Variants in SLC22A7 observed in about 807,000 individuals in gnomAD.
The protein encoded by SLC22A7 is solute carrier family 22 member 7, also known as hOAT2.
Under a neutral mutation model 62.2 loss-of-function variants are expected in SLC22A7, and 48 were observed. That is an observed-to-expected ratio of 0.77 (90% CI 0.61 to 0.98). SLC22A7 has a LOEUF of 0.98. Among genes scored for constraint, SLC22A7 ranks in the 50% least tolerant of loss-of-function variants. The pLI is 0.00. For missense variants in SLC22A7, 581 were observed against 703.8 expected (o/e 0.83, Z 1.97); for synonymous variants, 276 against 314.8 (o/e 0.88, Z 1.30).
rs934098307 is a variant in SLC22A7, at chr6:43,304,923, C to T, written c.*198C>T. 4.4e-6 allele frequency: 2 copies of T among 452,598 alleles called. No individual in the cohort carries two copies. The highest frequency in any genetic ancestry group is 4.1e-5 in the African/African-American group (2 of 49,310). 28.0% of individuals were successfully genotyped at this position (452,598 alleles called of 1,614,324 possible). A position where few individuals can be genotyped will look rare whatever the true frequency, so the allele number is the denominator to read the frequency against. On this transcript the variant is annotated 3_prime_UTR_variant, in exon 11 of 11. Transcript: ENST00000372585. Reference sequence around the variant, plus strand: ...AGTTGACTTCCCAGAATGCAGTGGGCTGCTGGGCACCCCTCTCACGGTTGG... The same window carrying T: ...AGTTGACTTCCCAGAATGCAGTGGGTTGCTGGGCACCCCTCTCACGGTTGG...
intron 5 of SLC22A7, among the ~76,000 whole-genome samples, 155 bp from the exon 6 acceptor site, chr6:43,300,980 C>T (rs889214121): frequency 6.6e-6 from 1 of 152,200 alleles, no homozygotes; most frequent in African/African-American, 2.4e-5. Context: ...TGAATAAGAG[C>T]TCATCAAGTG....
At position 43,299,926 on chromosome 6, in the gene SLC22A7, C is replaced by T; in HGVS notation, c.687C>T (p.Arg229=). 1 of 1,614,138 alleles carries T rather than the reference C, an allele frequency of 6.2e-7. No homozygotes were observed. Among genetic ancestry groups the T allele is most frequent in the Non-Finnish European group, 8.5e-7 (1 of 1,180,026 alleles). ...LELEWLDVEH[R]TVAGVLSSTF... ...TGGAGTGGCTGGATGTGGAGCACCG[C>T]ACCGTGGCTGGAGTCCTGAGCAGCA... is the stretch of plus-strand genomic sequence containing the variant. Residue 229 remains arginine, a synonymous_variant, in exon 5 of 11, where the codon CGC becomes CGT. Coordinates refer to ENST00000372585, the MANE Select transcript of SLC22A7 (RefSeq NM_153320.2). The surrounding 1 kb of genome is among the most constrained non-coding windows in gnomAD (Gnocchi z 4.4).
intron 9 of SLC22A7, 127 bp from the exon 10 acceptor site, chr6:43,303,911 A>T: frequency 1.3e-6 from 1 of 749,458 alleles, no homozygotes; most frequent in Non-Finnish European, 2.0e-6. Context: ...AAGAAGTCCT[A>T]GTTTTCTTAG....
Position 43,299,403 on chromosome 6 carries a change from G to GTGC in SLC22A7, c.415_416insCTG (p.Cys138_Glu139insAla). 6.2e-7 allele frequency: 1 copy of GTGC among 1,614,218 alleles called. No homozygotes were observed. Among genetic ancestry groups the GTGC allele is most frequent in the Non-Finnish European group, 8.5e-7 (1 of 1,180,032 alleles). On this transcript the variant is annotated inframe_insertion, in exon 3 of 11. Coordinates refer to ENST00000372585, the MANE Select transcript of SLC22A7 (RefSeq NM_153320.2). This position sits in a 1 kb window ranked among gnomAD's most constrained non-coding sequence, Gnocchi z 4.4. ...CTGTCCTTGCAGTGGGATCTGGTGT[G>GTGC]TGAGCAGAAAGGTCTGAACAGAGCT...
rs1030851036 is a variant in SLC22A7 at position 43,299,163 on chromosome 6, A to T, written c.399+66A>T. 3.1e-6 allele frequency: 5 copies of T among 1,614,166 alleles called. No individual in the cohort carries two copies. The highest frequency in any genetic ancestry group is 4.2e-6 in the Non-Finnish European group (5 of 1,179,982). ...GGAGGCAGTCTCCCTGGGAGGCAGCAGGTCGAGGCCTTCCTTGGGAAGAAG... is the reference window on the plus strand; with the variant it reads ...GGAGGCAGTCTCCCTGGGAGGCAGCTGGTCGAGGCCTTCCTTGGGAAGAAG... On this transcript the variant is annotated intron_variant, in intron 2 of 10. Transcript: ENST00000372585. The surrounding 1 kb of genome is among the most constrained non-coding windows in gnomAD (Gnocchi z 4.4).
At chr6:43,303,386 G>A (rs1005804704) in intron 9 of SLC22A7, among the ~76,000 whole-genome samples, 1 of 152,234 alleles carries the variant, frequency 6.6e-6, no homozygotes, top group Admixed American at 6.5e-5. Context: ...CTCGAACCTG[G>A]GAGATGGAGG....
In SLC22A7 at chr6:43,298,557, G is replaced by C. The variant is rs201151458; in HGVS notation, c.199G>C (p.Ala67Pro). 2.5e-6 allele frequency: 4 copies of C among 1,613,730 alleles called. No individual in the cohort carries two copies. The highest frequency in any genetic ancestry group is 3.3e-4 in the Middle Eastern group (2 of 6,058). ...CAGCCATCAGGATGTGTGGCTGGAGGCCCATCTTCCCCGGGAGCCTGATGG... is the reference window on the plus strand; with the variant it reads ...CAGCCATCAGGATGTGTGGCTGGAGCCCCATCTTCCCCGGGAGCCTGATGG... The part of the protein sequence containing the change: ...NFSHQDVWLE[A>P]HLPREPDGTL... The change falls in exon 1 of 11, where the codon GCC becomes CCC. Residue 67 changes from alanine (A) to proline (P), a missense_variant. Coordinates refer to ENST00000372585, the MANE Select transcript of SLC22A7 (RefSeq NM_153320.2).
chr6:43,301,826 T>C (rs956088497), intron 7 of SLC22A7, 134 bp downstream of exon 7: 10 of 645,880 alleles, frequency 1.5e-5, no homozygotes, highest in Non-Finnish European at 2.1e-5. Context: ...TAAACCTCCA[T>C]GGGCGATCTG....
intron 5 of SLC22A7, 105 bp downstream of exon 5, chr6:43,300,171 G>C: frequency 8.6e-7 from 1 of 1,158,900 alleles, no homozygotes; most frequent in Non-Finnish European, 1.2e-6. Context: ...TGAAGGGAAA[G>C]AGAAACGAAG....
At chr6:43,296,851 T>C (rs1056860813), upstream of SLC22A7, among the ~76,000 whole-genome samples, 1 of 152,170 alleles carries the variant, frequency 6.6e-6, no homozygotes, top group Non-Finnish European at 1.5e-5. Flanking sequence ...AACAGGGATG[T>C]GACCCTCTTA....
Position 43,301,227 on chromosome 6 carries a change from G to T in SLC22A7, c.920G>T (p.Arg307Leu). The T allele has an allele frequency of 6.2e-7, 1 of 1,614,154 alleles. No homozygotes were observed. The highest frequency in any genetic ancestry group is 1.1e-5 in the South Asian group (1 of 91,076). ...CTCCACTGTGCCAGGCTCAATGGGCGGCCAGTGTGTGAGGACAGCTTCAGC... is the reference window on the plus strand; with the variant it reads ...CTCCACTGTGCCAGGCTCAATGGGCTGCCAGTGTGTGAGGACAGCTTCAGC... Reference protein sequence around the residue: ...YLLHCARLNGRPVCEDSFSQE... With the variant: ...YLLHCARLNGLPVCEDSFSQE... Residue 307 changes from arginine (R) to leucine (L), a missense_variant, in exon 6 of 11, where the codon CGG (arginine) becomes CTG (leucine). By Grantham distance (102) the Arg-to-Leu change is moderately radical (BLOSUM62 -2). Transcript: ENST00000372585.
At chr6:43,304,629 G>C in intron 10 of SLC22A7, 42 bp from the exon 11 acceptor site, 1 of 1,581,474 alleles carries the variant, frequency 6.3e-7, no homozygotes, top group Non-Finnish European at 8.7e-7. Context: ...GGTAGGCTCG[G>C]GGATTAAACC....
In SLC22A7 at chr6:43,298,486, C is replaced by G; in HGVS notation, c.128C>G (p.Ala43Gly). ...TTCCTCCTGCCCATCTTCCTGGCTG[C>G]CGTGCCTGCCCACCGATGTGCCCTG... ...LHFLLPIFLA[A>G]VPAHRCALPG... The change falls in exon 1 of 11, where the codon GCC becomes GGC. Residue 43 changes from alanine to glycine, a missense_variant. Physicochemically the swap from Ala to Gly is moderately conservative, Grantham distance 60. Coordinates refer to ENST00000372585, the MANE Select transcript of SLC22A7 (RefSeq NM_153320.2). 6.2e-7 allele frequency: 1 copy of G among 1,613,504 alleles called. No individual in the cohort carries two copies. The highest frequency in any genetic ancestry group is 8.5e-7 in the Non-Finnish European group (1 of 1,180,024).
upstream of SLC22A7, among the ~76,000 whole-genome samples, chr6:43,297,057 C>A (rs888469426): frequency 2.0e-5 from 3 of 152,106 alleles, no homozygotes; most frequent in African/African-American, 7.2e-5. Context: ...CTCATTGTCA[C>A]CCCCTGTCAC....
chr6:43,300,759 T>C (rs1196541703), intron 5 of SLC22A7, among the ~76,000 whole-genome samples: 1 of 152,192 alleles, frequency 6.6e-6, no homozygotes, highest in Non-Finnish European at 1.5e-5. Flanking sequence ...GCCTCCTGAG[T>C]AGCTGGGACT....
intron 5 of SLC22A7, among the ~76,000 whole-genome samples, 180 bp from the exon 6 acceptor site, chr6:43,300,955 C>T (rs920587070): frequency 5.3e-5 from 8 of 152,210 alleles, no homozygotes; most frequent in African/African-American, 1.4e-4. Context: ...GGCTTTTAAA[C>T]TGGGCATTAA....
intron 7 of SLC22A7, 151 bp downstream of exon 7, chr6:43,301,843 G>A: frequency 1.6e-6 from 1 of 623,918 alleles, no homozygotes; most frequent in Non-Finnish European, 2.8e-6. Context: ...TCTGCCTGGG[G>A]AAGTCAGAAA....
chr6:43,304,242 G>A lies in SLC22A7; in HGVS notation c.1590G>A (p.Lys530=). The change falls in exon 10 of 11, where the codon AAG becomes AAA. Residue 530 remains lysine, a splice_region_variant and synonymous_variant. Transcript: ENST00000372585. ...LPETIQDVER[K]SAPTSLQEEE... Reference sequence around the variant, plus strand: ...AGACCATCCAGGACGTGGAGAGAAAGAGGTGTGTGCACAGGACTGTGTCTG... The same window carrying A: ...AGACCATCCAGGACGTGGAGAGAAAAAGGTGTGTGCACAGGACTGTGTCTG... The A allele has an allele frequency of 6.4e-7, 1 of 1,555,464 alleles. No homozygotes were observed. Among genetic ancestry groups the A allele is most frequent in the Non-Finnish European group, 8.7e-7 (1 of 1,149,296 alleles).
At position 43,302,080 on chromosome 6, in the gene SLC22A7, G is replaced by A; in HGVS notation, c.1062-120G>A. On this transcript the variant is annotated intron_variant, in intron 7 of 10. Coordinates refer to ENST00000372585, the MANE Select transcript of SLC22A7 (RefSeq NM_153320.2). This position sits in a 1 kb window ranked among gnomAD's most constrained non-coding sequence, Gnocchi z 5.0. ...ATGTCAGGGAAGGTCCTGGCGGGGG[G>A]ACCGGGGGTTGCAGAGACAGAAGGA... The A allele has an allele frequency of 1.1e-6, 1 of 876,086 alleles. No individual in the cohort carries two copies. Among genetic ancestry groups the A allele is most frequent in the Middle Eastern group, 3.4e-4 (1 of 2,920 alleles). 54.3% of individuals were successfully genotyped at this position (876,086 alleles called of 1,614,324 possible). A position where few individuals can be genotyped will look rare whatever the true frequency, so the allele number is the denominator to read the frequency against.
Sources: gnomAD v4.1 joint callset for allele counts (sites outside exome capture counted in the v4.1 genomes callset) on GRCh38, gnomAD v4.1.1 for gene constraint, Gnocchi (gnomAD v3.1) non-coding constraint, MANE v1.5 for transcripts, NCBI Gene and HGNC (gene_info 2026-07-23, HGNC 2026-07-21) for gene names.